The following PTPRZ1 variants were observed in gnomAD, a reference collection of about 807,000 sequenced individuals.
PTPRZ1 encodes the protein protein tyrosine phosphatase receptor type Z1.
Under a neutral mutation model 214.1 loss-of-function variants are expected in PTPRZ1, and 82 were observed. The observed-to-expected ratio is 0.38, with a 90% CI of 0.32 to 0.46. The LOEUF (loss-of-function observed/expected upper bound fraction) is 0.46. Among genes scored for constraint, PTPRZ1 ranks in the 20% least tolerant of loss-of-function variants. The pLI is 1.00. For missense variants in PTPRZ1, 2,603 were observed against 2,748.7 expected (o/e 0.95, Z 1.19); for synonymous variants, 945 against 987.9 (o/e 0.96, Z 0.81).
intron 27 of PTPRZ1, among the ~76,000 whole-genome samples, chr7:122,055,679 C>CT (rs1792328674): frequency 6.6e-6 from 1 of 151,786 alleles, no homozygotes; most frequent in Non-Finnish European, 1.5e-5. Context: ...TTTTACTAAA[C>CT]TTAATTATAT....
chr7:121,894,935 G>A (rs62475702), intron 1 of PTPRZ1, among the ~76,000 whole-genome samples: 9 of 152,110 alleles, frequency 5.9e-5, no homozygotes, highest in Admixed American at 3.9e-4. Flanking sequence ...AAAAGTGAAA[G>A]ATACGCTAAA....
intron 12 of PTPRZ1, among the ~76,000 whole-genome samples, chr7:122,015,771 CTAAT>C (rs1288626752): frequency 4.6e-5 from 7 of 151,916 alleles, no homozygotes; most frequent in African/African-American, 1.7e-4. Flanking sequence ...CTTCAGTGCA[CTAAT>C]TAGTTTTATT....
At chr7:122,023,444 C>A (rs1286356839) in intron 13 of PTPRZ1, among the ~76,000 whole-genome samples, 1 of 142,598 alleles carries the variant, frequency 7.0e-6, no homozygotes, top group East Asian at 2.0e-4. Flanking sequence ...TGGCTCATGC[C>A]TGTAATCCCA....
At chr7:121,874,039 G>GACACACACACACAC (rs10640393) in intron 1 of PTPRZ1, among the ~76,000 whole-genome samples, 2,063 of 147,904 alleles carry the variant, frequency 0.014, 21 homozygotes, top group African/African-American at 0.026. Flanking sequence ...GTGAATTGCA[G>GACACACACACACAC]ACACACACAC....
intron 6 of PTPRZ1, among the ~76,000 whole-genome samples, chr7:121,980,950 G>A (rs1386546171): frequency 6.6e-6 from 1 of 152,008 alleles, no homozygotes; most frequent in Non-Finnish European, 1.5e-5. Flanking sequence ...AGACCATCTT[G>A]GCTAACACGG....
At chr7:121,892,213 C>CT (rs1364398152) in intron 1 of PTPRZ1, among the ~76,000 whole-genome samples, 1 of 152,030 alleles carries the variant, frequency 6.6e-6, no homozygotes. Context: ...TATGTTATGT[C>CT]TTTTTTCTCT....
At chr7:121,922,149 T>G (rs1429192930) in intron 1 of PTPRZ1, among the ~76,000 whole-genome samples, 1 of 152,184 alleles carries the variant, frequency 6.6e-6, no homozygotes, top group East Asian at 1.9e-4. Context: ...GTTAGATCAT[T>G]TGGGTCATAA....
rs773227498 is a variant in PTPRZ1 at position 122,019,242 on chromosome 7, T to C, written c.4962T>C (p.Val1654=). The C allele has an allele frequency of 2.5e-6, 4 of 1,612,594 alleles. No homozygotes were observed. The highest frequency in any genetic ancestry group is 2.5e-6 in the Non-Finnish European group (3 of 1,178,968). The part of the protein sequence containing the change: ...VSALTFICLV[V]LVGILIYWRK... ...CCCTGACTTTTATCTGTCTAGTGGT[T>C]CTTGTGGGTATTCTCATCTACTGGA... Residue 1654 remains valine, a synonymous_variant, in exon 13 of 30, where the codon GTT becomes GTC. Coordinates refer to ENST00000393386, the MANE Select transcript of PTPRZ1 (RefSeq NM_002851.3).
chr7:121,893,011 A>G (rs1187416256), intron 1 of PTPRZ1, among the ~76,000 whole-genome samples: 3 of 151,978 alleles, frequency 2.0e-5, no homozygotes, highest in Non-Finnish European at 4.4e-5. Flanking sequence ...AATTTTTAAC[A>G]TTTTATTTAA....
intron 1 of PTPRZ1, among the ~76,000 whole-genome samples, chr7:121,925,704 G>T (rs1285622543): frequency 6.6e-6 from 1 of 152,148 alleles, no homozygotes; most frequent in Non-Finnish European, 1.5e-5. Context: ...ATCTGTATTT[G>T]CTGATTGGCT....
At chr7:121,874,162 C>A (rs201293163) in intron 1 of PTPRZ1, among the ~76,000 whole-genome samples, 2 of 149,092 alleles carry the variant, frequency 1.3e-5, no homozygotes. Context: ...CAATTACTTA[C>A]AAAAAAAAAA....
At chr7:122,051,963 A>G in intron 25 of PTPRZ1, 24 bp downstream of exon 25, 1 of 1,569,576 alleles carries the variant, frequency 6.4e-7, no homozygotes, top group South Asian at 1.2e-5. Context: ...GTCACTGAGG[A>G]GACTGCCAGC....
At position 122,012,518 on chromosome 7, in the gene PTPRZ1, A is replaced by T. The variant is rs752657525; in HGVS notation, c.3472A>T (p.Ser1158Cys). 3.7e-6 allele frequency: 6 copies of T among 1,614,054 alleles called. No homozygotes were observed. Among genetic ancestry groups the T allele is most frequent in the Non-Finnish European group, 5.1e-6 (6 of 1,180,004 alleles). The change falls in exon 12 of 30, where the codon AGT (serine) becomes TGT (cysteine). Residue 1158 changes from serine (S) to cysteine (C), a missense_variant. Ser to Cys is a moderately radical substitution (Grantham distance 112). Coordinates refer to ENST00000393386, the MANE Select transcript of PTPRZ1 (RefSeq NM_002851.3). ...SEPASSDPAS[S>C]EMLSPSTQLL... ...GCCAGCATCCTCTGACCCTGCTTCTAGTGAAATGTTATCTCCTTCAACTCA... is the reference window on the plus strand; with the variant it reads ...GCCAGCATCCTCTGACCCTGCTTCTTGTGAAATGTTATCTCCTTCAACTCA...
chr7:121,969,554 T>C (rs1293726413), intron 3 of PTPRZ1, among the ~76,000 whole-genome samples: 5 of 80,788 alleles, frequency 6.2e-5, no homozygotes, highest in Non-Finnish European at 1.2e-4. Context: ...AGAGCGAAAC[T>C]CTGTCTCAAA....
chr7:122,029,915 T>A (rs923802363), intron 14 of PTPRZ1, among the ~76,000 whole-genome samples: 2 of 151,886 alleles, frequency 1.3e-5, no homozygotes, highest in Non-Finnish European at 2.9e-5. Context: ...ATACTATTAT[T>A]TTAGTACCAC....
At chr7:122,027,511 G>C (rs551757565) in intron 13 of PTPRZ1, among the ~76,000 whole-genome samples, 13 of 152,130 alleles carry the variant, frequency 8.5e-5, no homozygotes, top group Non-Finnish European at 1.8e-4. Flanking sequence ...AAACTCATTA[G>C]GATAAATGCC....
At chr7:121,922,527 A>G (rs1302571901) in intron 1 of PTPRZ1, among the ~76,000 whole-genome samples, 2 of 152,298 alleles carry the variant, frequency 1.3e-5, no homozygotes, top group Middle Eastern at 3.4e-3. Flanking sequence ...GTAAGCCAAG[A>G]TCATGCCACT....
At chr7:121,920,025 G>A (rs1225864798) in intron 1 of PTPRZ1, among the ~76,000 whole-genome samples, 1 of 152,124 alleles carries the variant, frequency 6.6e-6, no homozygotes, top group Non-Finnish European at 1.5e-5. Context: ...ATTGAAGAAT[G>A]TAGTAGATCT....
chr7:121,904,072 A>G (rs531316463), intron 1 of PTPRZ1, among the ~76,000 whole-genome samples: 1 of 152,248 alleles, frequency 6.6e-6, no homozygotes, highest in African/African-American at 2.4e-5. Context: ...GCCTTTGAAT[A>G]TAAGTTACTT....
Sources: allele counts gnomAD v4.1 joint callset (sites outside exome capture counted in the v4.1 genomes callset), GRCh38; gene constraint gnomAD v4.1.1; transcripts MANE v1.5; gene names NCBI Gene and HGNC (gene_info 2026-07-23, HGNC 2026-07-21).